The following SCN11A variants were observed in gnomAD, a reference collection of about 807,000 sequenced individuals.
SCN11A encodes sodium voltage-gated channel alpha subunit 11.
Under a neutral mutation model 162.2 loss-of-function variants are expected in SCN11A, and 122 were observed. The ratio of observed to expected loss-of-function variants is 0.75; its 90% CI spans 0.65 to 0.87. The LOEUF (loss-of-function observed/expected upper bound fraction) is 0.87, where lower values mean the gene tolerates loss of function less well. Ranked by LOEUF, SCN11A falls within the 40% of genes least tolerant of loss-of-function variation. The probability of loss-of-function intolerance (pLI) is 0.00; values close to 1 mark genes in which losing one functional copy is unlikely to be tolerated. For missense variants in SCN11A, 2,015 were observed against 2,181.6 expected (o/e 0.92, Z 1.52); for synonymous variants, 758 against 751.5 (o/e 1.01, Z -0.14).
chr3:38,979,409 G>A (rs1316406137), intron 2 of SCN11A, among the ~76,000 whole-genome samples: 2 of 152,210 alleles, frequency 1.3e-5, no homozygotes, highest in Non-Finnish European at 2.9e-5. Context: ...AGGAGGCACA[G>A]CTGGGTATGG....
chr3:38,857,403 C>T (rs1267470188), intron 28 of SCN11A, among the ~76,000 whole-genome samples: 1 of 151,944 alleles, frequency 6.6e-6, no homozygotes, highest in Non-Finnish European at 1.5e-5. Flanking sequence ...AGTAGAAGAA[C>T]TTTAGAGCTC....
chr3:38,878,083 G>A (rs2065249420), intron 23 of SCN11A, among the ~76,000 whole-genome samples: 2 of 151,574 alleles, frequency 1.3e-5, no homozygotes, highest in African/African-American at 2.4e-5. Flanking sequence ...ATCGGGCGAT[G>A]GGGCACCAAA....
At chr3:38,924,378 ATT>A (rs375762530) in intron 9 of SCN11A, among the ~76,000 whole-genome samples, 3 of 145,560 alleles carry the variant, frequency 2.1e-5, no homozygotes, top group African/African-American at 7.5e-5. Context: ...CATCTAACTA[ATT>A]TTTTTTTTTT....
rs113999335 is a variant in SCN11A, at chr3:39,024,249, T to C, written c.-280+8131A>G. 3.9e-3 allele frequency among the ~76,000 whole-genome samples: 591 copies of C among 152,316 alleles called. 3 individuals carry two copies. The highest frequency in any genetic ancestry group is 0.014 in the African/African-American group (562 of 41,558). ...ATGGATAGCCATGTAGAAATGTGAT[T>C]AGACAAAAGGGTATGACCTAATAGT... is the stretch of plus-strand genomic sequence containing the variant. On this transcript the variant is annotated intron_variant, in intron 2 of 29. Coordinates refer to ENST00000302328, the MANE Select transcript of SCN11A (RefSeq NM_001349253.2).
chr3:38,909,250 C>A, intron 12 of SCN11A, 56 bp from the exon 13 acceptor site: 3 of 1,566,346 alleles, frequency 1.9e-6, no homozygotes, highest in Non-Finnish European at 1.8e-6. Context: ...AGGAAAGTGA[C>A]CATCACCTCA....
At chr3:38,919,420 A>G (rs2066010521) in intron 11 of SCN11A, among the ~76,000 whole-genome samples, 1 of 152,254 alleles carries the variant, frequency 6.6e-6, no homozygotes, top group Non-Finnish European at 1.5e-5. Context: ...CACAATAGAA[A>G]GCACCGCTAA....
chr3:38,919,891 T>TAG (rs772926789), intron 11 of SCN11A, 44 bp downstream of exon 11: 8 of 1,417,430 alleles, frequency 5.6e-6, no homozygotes, highest in Admixed American at 1.7e-5. Flanking sequence ...CTAAAAGGTC[T>TAG]AGAGGTACTC....
In SCN11A at chr3:38,882,852, G is replaced by C. The variant is rs2065331768; in HGVS notation, c.3219+381C>G. 2.0e-5 allele frequency among the ~76,000 whole-genome samples: 3 copies of C among 152,128 alleles called. No homozygotes were observed. The South Asian group carries it at 6.2e-4, about 32-fold the overall frequency. The stretch of plus-strand genomic sequence containing the variant: ...CCCTCCCATAATATTTTACCTTTCA[G>C]AAAACAGCACTATGGCTTATGGTAA... On this transcript the variant is annotated intron_variant, in intron 22 of 29. Transcript: ENST00000302328.
At chr3:39,045,357 C>T (rs1398226990) in intron 1 of SCN11A, among the ~76,000 whole-genome samples, 1 of 152,136 alleles carries the variant, frequency 6.6e-6, no homozygotes, top group Non-Finnish European at 1.5e-5. Flanking sequence ...AGCTACAGGT[C>T]AATATCCCTG....
chr3:38,885,166 C>A, intron 21 of SCN11A, 122 bp downstream of exon 21: 1 of 638,822 alleles, frequency 1.6e-6, no homozygotes, highest in Non-Finnish European at 2.8e-6. Flanking sequence ...GGTGCCCTCT[C>A]ATTGCTTTTG....
chr3:38,920,165 G>A (rs935181638), intron 10 of SCN11A, among the ~76,000 whole-genome samples, 164 bp from the exon 11 acceptor site: 2 of 152,242 alleles, frequency 1.3e-5, no homozygotes, highest in African/African-American at 4.8e-5. Flanking sequence ...CCTCTGGAAG[G>A]AGTAAGAAGG....
intron 21 of SCN11A, among the ~76,000 whole-genome samples, chr3:38,885,019 T>C (rs2065371653): frequency 6.6e-6 from 1 of 152,228 alleles, no homozygotes; most frequent in South Asian, 2.1e-4. Flanking sequence ...GCAGACATAT[T>C]GGCCCAGTGG....
chr3:38,904,264 C>T (rs1464128770), intron 15 of SCN11A, among the ~76,000 whole-genome samples, 161 bp from the exon 16 acceptor site: 1 of 152,126 alleles, frequency 6.6e-6, no homozygotes, highest in Non-Finnish European at 1.5e-5. Flanking sequence ...TTCCACCAAT[C>T]TTAGTGCAGA....
At position 38,929,135 on chromosome 3, in the gene SCN11A, GCACACA is replaced by G. The variant is rs748169973; in HGVS notation, c.489-2210_489-2205del. On this transcript the variant is annotated intron_variant, in intron 7 of 29. Transcript: ENST00000302328. ...TGTCAAAAATACTGGGTCTGTGCAC[GCACACA>G]CACACACACACACACACACACACAC... Among the ~76,000 whole-genome samples the G allele has an allele frequency of 2.8e-4, 19 of 66,698 alleles. 1 individual carries two copies. Among genetic ancestry groups the G allele is most frequent in the East Asian group, 1.4e-3 (3 of 2,184 alleles). 43.8% of individuals were successfully genotyped at this position (66,698 alleles called of 152,430 possible).
intron 22 of SCN11A, 120 bp from the exon 23 acceptor site, chr3:38,880,243 G>T (rs1353347072): frequency 1.2e-5 from 8 of 663,970 alleles, no homozygotes; most frequent in Non-Finnish European, 1.7e-5. Context: ...TTCGTAATGA[G>T]GTTCTGCTCA....
At chr3:38,971,359 T>A (rs911020205) in intron 2 of SCN11A, among the ~76,000 whole-genome samples, 2 of 152,046 alleles carry the variant, frequency 1.3e-5, no homozygotes, top group African/African-American at 4.8e-5. Flanking sequence ...TGGACTCCCT[T>A]TACCCTAGAG....
chr3:38,931,101 C>T (rs7636049), intron 7 of SCN11A, among the ~76,000 whole-genome samples: 41,383 of 152,128 alleles, frequency 0.27, 6,305 homozygotes, highest in African/African-American at 0.41. Flanking sequence ...CAGTAAGCAA[C>T]GAGTAGCAAC....
chr3:38,888,878 T>G (rs1348619074), intron 19 of SCN11A, among the ~76,000 whole-genome samples: 3 of 152,092 alleles, frequency 2.0e-5, no homozygotes, highest in African/African-American at 7.2e-5. Context: ...AAGATAGGGC[T>G]CCCTCTACCC....
chr3:39,026,692 A>G (rs539982872), intron 2 of SCN11A, among the ~76,000 whole-genome samples: 2 of 152,338 alleles, frequency 1.3e-5, no homozygotes, highest in Admixed American at 1.3e-4. Flanking sequence ...CAGTGGATGG[A>G]AATTACTAAA....
Sources: gnomAD v4.1 joint callset for allele counts (sites outside exome capture counted in the v4.1 genomes callset) on GRCh38, gnomAD v4.1.1 for gene constraint, MANE v1.5 for transcripts, NCBI Gene and HGNC (gene_info 2026-07-23, HGNC 2026-07-21) for gene names.